PTPN11: variants seen among roughly 807,000 people sequenced by gnomAD.
PTPN11 encodes the protein tyrosine-protein phosphatase non-receptor type 11.
A neutral mutation model predicts 78.8 loss-of-function variants in PTPN11; 6 were observed. That is an observed-to-expected ratio of 0.08 (90% CI 0.04 to 0.15). The LOEUF is 0.15. Among genes scored for constraint, PTPN11 ranks in the 10% least tolerant of loss-of-function variants. PTPN11 has a pLI of 1.00. For missense variants in PTPN11, 386 were observed against 744.8 expected (o/e 0.52, Z 5.61); for synonymous variants, 221 against 263.5 (o/e 0.84, Z 1.56).
chr12:112,443,639 C>A (rs556427382), intron 1 of PTPN11, among the ~76,000 whole-genome samples: 2 of 151,396 alleles, frequency 1.3e-5, no homozygotes, highest in South Asian at 4.2e-4. Flanking sequence ...CAGGTGTGAG[C>A]CACTGTGCCC....
intron 15 of PTPN11, among the ~76,000 whole-genome samples, 199 bp from the exon 16 acceptor site, chr12:112,505,626 C>T (rs1020502842): frequency 2.8e-5 from 4 of 143,214 alleles, no homozygotes; most frequent in African/African-American, 1.0e-4. Flanking sequence ...CATTGCACTC[C>T]ACCTGGGCCA....
chr12:112,420,957 A>G (rs1441084629), intron 1 of PTPN11, among the ~76,000 whole-genome samples: 1 of 152,174 alleles, frequency 6.6e-6, no homozygotes, highest in East Asian at 1.9e-4. Context: ...ACAAGTAAGG[A>G]TCTGCTGCTT....
chr12:112,461,337 T>C (rs902872844), intron 6 of PTPN11, among the ~76,000 whole-genome samples: 1 of 151,624 alleles, frequency 6.6e-6, no homozygotes, highest in Non-Finnish European at 1.5e-5. Context: ...CTTTTCTTTT[T>C]CTTTTTTTTT....
chr12:112,428,156 C>T (rs547882500), intron 1 of PTPN11, among the ~76,000 whole-genome samples: 2 of 152,190 alleles, frequency 1.3e-5, no homozygotes, highest in Non-Finnish European at 2.9e-5. Flanking sequence ...TTATTTGTCT[C>T]TTCTCATCTT....
chr12:112,450,924 T>TA (rs2038071066), intron 3 of PTPN11, among the ~76,000 whole-genome samples: 1 of 152,196 alleles, frequency 6.6e-6, no homozygotes, highest in Non-Finnish European at 1.5e-5. Context: ...GATGTCAGTT[T>TA]AAGCTCAGAA....
At chr12:112,468,121 C>A (rs2038357975) in intron 6 of PTPN11, among the ~76,000 whole-genome samples, 1 of 152,174 alleles carries the variant, frequency 6.6e-6, no homozygotes, top group African/African-American at 2.4e-5. Flanking sequence ...GGATATCTGG[C>A]AGCCTGTGTC....
At chr12:112,481,136 T>C (rs919824439) in intron 9 of PTPN11, among the ~76,000 whole-genome samples, 1 of 152,152 alleles carries the variant, frequency 6.6e-6, no homozygotes, top group African/African-American at 2.4e-5. Context: ...CAAAACCCCA[T>C]GGGCTGCCTT....
intron 2 of PTPN11, 134 bp downstream of exon 2, chr12:112,446,532 TG>T (rs1682734370): frequency 7.8e-7 from 1 of 1,274,376 alleles, no homozygotes; most frequent in South Asian, 1.2e-5. Context: ...CTTCAGGGTT[TG>T]GGGAGTGGCC....
In PTPN11 at chr12:112,485,887, A is replaced by C. The variant is rs539553171; in HGVS notation, c.1225-588A>C. On this transcript the variant is annotated intron_variant, in intron 10 of 15. Transcript: ENST00000351677. ...TCCCAGCTACTTGGGAGGCTGAGGC[A>C]GGAGAATGGCTTGAACCCGGGAGGC... Among the ~76,000 whole-genome samples, 433 of 152,058 alleles carry C rather than the reference A, an allele frequency of 2.8e-3. 5 individuals carry two copies. The highest frequency in any genetic ancestry group is 9.7e-3 in the African/African-American group (403 of 41,492).
At chr12:112,432,581 A>C (rs1704524104) in intron 1 of PTPN11, among the ~76,000 whole-genome samples, 1 of 151,724 alleles carries the variant, frequency 6.6e-6, no homozygotes, top group Non-Finnish European at 1.5e-5. Flanking sequence ...AGGCAGGAGA[A>C]TCGCTTGAAC....
At chr12:112,461,042 T>C (rs531859155) in intron 6 of PTPN11, among the ~76,000 whole-genome samples, 3 of 152,136 alleles carry the variant, frequency 2.0e-5, no homozygotes, top group Non-Finnish European at 4.4e-5. Context: ...CCATCCCTTA[T>C]ATTTCTTGTA....
Position 112,482,050 on chromosome 12 carries a change from T to G in PTPN11, c.1093-24T>G, listed in dbSNP as rs763733696. On this transcript the variant is annotated intron_variant, in intron 9 of 15. Coordinates refer to ENST00000351677, the MANE Select transcript of PTPN11 (RefSeq NM_002834.5). This position sits in a 1 kb window ranked among gnomAD's most constrained non-coding sequence, Gnocchi z 4.4. ...TATTTCAGAGTTCACAGAATTAACT[T>G]TCTTTTTTTCTGATCTCTTCCAGAG... The G allele has an allele frequency of 1.4e-5, 22 of 1,542,810 alleles. No individual in the cohort carries two copies. The highest frequency in any genetic ancestry group is 2.0e-5 in the Non-Finnish European group (22 of 1,115,980).
At chr12:112,446,149 G>A in intron 1 of PTPN11, 127 bp from the exon 2 acceptor site, 1 of 1,175,482 alleles carries the variant, frequency 8.5e-7, no homozygotes, top group Non-Finnish European at 1.2e-6. Flanking sequence ...AAGGGACAGG[G>A]AAGGTCTTGA....
intron 6 of PTPN11, among the ~76,000 whole-genome samples, chr12:112,469,460 A>G (rs1297105914): frequency 6.6e-6 from 1 of 151,750 alleles, no homozygotes; most frequent in Non-Finnish European, 1.5e-5. Context: ...TACCTTCTAT[A>G]TACAGCAAAA....
chr12:112,441,131 A>T (rs2037883568), intron 1 of PTPN11, among the ~76,000 whole-genome samples: 1 of 150,798 alleles, frequency 6.6e-6, no homozygotes. Context: ...TGCCCGGCTG[A>T]TTTTGTATTT....
At chr12:112,425,102 C>T (rs535793208) in intron 1 of PTPN11, among the ~76,000 whole-genome samples, 4 of 151,790 alleles carry the variant, frequency 2.6e-5, no homozygotes, top group Non-Finnish European at 5.9e-5. Context: ...GATCCACCCG[C>T]CTCGGCCTCC....
At chr12:112,426,660 G>A (rs566901475) in intron 1 of PTPN11, among the ~76,000 whole-genome samples, 26 of 152,188 alleles carry the variant, frequency 1.7e-4, no homozygotes, top group African/African-American at 5.8e-4. Flanking sequence ...CAGGGGTCAT[G>A]TGTAATAGGC....
chr12:112,467,100 G>T (rs1299378365), intron 6 of PTPN11, among the ~76,000 whole-genome samples: 2 of 152,056 alleles, frequency 1.3e-5, no homozygotes, highest in Non-Finnish European at 2.9e-5. Context: ...TAAATGTAAG[G>T]GTTGGTCTTA....
At chr12:112,423,989 C>T (rs574991918) in intron 1 of PTPN11, among the ~76,000 whole-genome samples, 1 of 152,066 alleles carries the variant, frequency 6.6e-6, no homozygotes, top group South Asian at 2.1e-4. Context: ...TGGGCTCAAG[C>T]TGTCTGCCTG....
Sources: allele counts gnomAD v4.1 joint callset (sites outside exome capture counted in the v4.1 genomes callset), GRCh38; gene constraint gnomAD v4.1.1; non-coding constraint Gnocchi (gnomAD v3.1); transcripts MANE v1.5; gene names NCBI Gene and HGNC (gene_info 2026-07-23, HGNC 2026-07-21).